The following AUTS2 variants were observed in gnomAD, a reference collection of about 807,000 sequenced individuals.
AUTS2 encodes activator of transcription and developmental regulator AUTS2.
In AUTS2, 17 loss-of-function variants were observed where a neutral mutation model predicts 112.4. The observed-to-expected ratio is 0.15, with a 90% CI of 0.10 to 0.23. The LOEUF (loss-of-function observed/expected upper bound fraction) is 0.23. Among genes scored for constraint, AUTS2 ranks in the 10% least tolerant of loss-of-function variants. The probability of loss-of-function intolerance (pLI) is 1.00; values close to 1 mark genes in which losing one functional copy is unlikely to be tolerated. For missense variants in AUTS2, 1,510 were observed against 1,701.6 expected (o/e 0.89, Z 1.98); for synonymous variants, 751 against 702.7 (o/e 1.07, Z -1.09).
At chr7:70,373,261 G>A (rs1434153160) in intron 4 of AUTS2, among the ~76,000 whole-genome samples, 1 of 151,954 alleles carries the variant, frequency 6.6e-6, no homozygotes, top group East Asian at 1.9e-4. Context: ...GCTGGTGTAG[G>A]CAGCAGCATT....
rs144007525 is a variant in AUTS2 at position 70,669,128 on chromosome 7, T to C, written c.691-29441T>C. 3.2e-3 allele frequency among the ~76,000 whole-genome samples: 485 copies of C among 152,330 alleles called. 8 individuals carry two copies. Among genetic ancestry groups the C allele is most frequent in the East Asian group, 0.014 (74 of 5,178 alleles). On this transcript the variant is annotated intron_variant, in intron 5 of 18. Transcript: ENST00000342771. ...AATGCCGCTGTCTCACTAAGAGCCA[T>C]GGGCTAAAACACACCCGAACAGCGG...
At chr7:70,276,148 A>G (rs1179729288) in intron 4 of AUTS2, among the ~76,000 whole-genome samples, 1 of 152,132 alleles carries the variant, frequency 6.6e-6, no homozygotes, top group African/African-American at 2.4e-5. Flanking sequence ...GACATTGAGT[A>G]CGTGCTTTGT....
chr7:70,658,603 G>A (rs1007883697), intron 5 of AUTS2, among the ~76,000 whole-genome samples: 4 of 152,260 alleles, frequency 2.6e-5, no homozygotes, highest in Non-Finnish European at 5.9e-5. Context: ...TTCTTTCAGC[G>A]TTGTCCTATA....
Position 69,679,262 on chromosome 7 carries a change from T to C in AUTS2, c.309+79300T>C, listed in dbSNP as rs143847784. On this transcript the variant is annotated intron_variant, in intron 1 of 18. Coordinates refer to ENST00000342771, the MANE Select transcript of AUTS2 (RefSeq NM_015570.4). ...TTGACCAGTGTGTCAGTGTCTTTCA[T>C]GTACATTAATGGGCGATAGTATTGG... is the stretch of plus-strand genomic sequence containing the variant. 1.5e-3 allele frequency among the ~76,000 whole-genome samples: 221 copies of C among 152,336 alleles called. 1 individual carries two copies. Among genetic ancestry groups the C allele is most frequent in the African/African-American group, 4.4e-3 (185 of 41,580 alleles).
chr7:69,603,474 C>G (rs1377835218), intron 1 of AUTS2, among the ~76,000 whole-genome samples: 1 of 152,104 alleles, frequency 6.6e-6, no homozygotes, highest in African/African-American at 2.4e-5. Context: ...TTGTTGGATT[C>G]TTTTTTGAGA....
In AUTS2 at chr7:70,631,859, T is replaced by C. The variant is rs2129538471; in HGVS notation, c.691-66710T>C. ...GCAGGGCGCACTCTGCCGCTTTGGC[T>C]TAGTTCTCCCATGTCCCTTGATTCA... On this transcript the variant is annotated intron_variant, in intron 5 of 18. Coordinates refer to ENST00000342771, the MANE Select transcript of AUTS2 (RefSeq NM_015570.4). This position sits in a 1 kb window ranked among gnomAD's most constrained non-coding sequence, Gnocchi z 4.5. Among the ~76,000 whole-genome samples the C allele has an allele frequency of 6.6e-6, 1 of 152,112 alleles. No individual in the cohort carries two copies. The highest frequency in any genetic ancestry group is 6.5e-5 in the Admixed American group (1 of 15,286).
chr7:69,670,416 T>G (rs779060760), intron 1 of AUTS2, among the ~76,000 whole-genome samples: 11 of 151,964 alleles, frequency 7.2e-5, no homozygotes, highest in Non-Finnish European at 1.2e-4. Context: ...AACTTTGCAG[T>G]ATAAATAGAC....
At chr7:70,098,468 T>C (rs1804313285) in intron 2 of AUTS2, among the ~76,000 whole-genome samples, 1 of 152,082 alleles carries the variant, frequency 6.6e-6, no homozygotes, top group South Asian at 2.1e-4. Context: ...TGCAGAACAA[T>C]AAAAGCTATT....
intron 1 of AUTS2, among the ~76,000 whole-genome samples, chr7:69,614,923 G>C (rs1362026891): frequency 6.6e-6 from 1 of 152,176 alleles, no homozygotes; most frequent in African/African-American, 2.4e-5. Flanking sequence ...TACCATACTA[G>C]AATTCTATTT....
At chr7:70,539,238 T>C (rs75553990) in intron 5 of AUTS2, among the ~76,000 whole-genome samples, 2,834 of 152,324 alleles carry the variant, frequency 0.019, 46 homozygotes, top group Admixed American at 0.031. Flanking sequence ...TCATAGTTAC[T>C]ATGTTGTTGT....
intron 5 of AUTS2, among the ~76,000 whole-genome samples, chr7:70,657,143 G>T (rs998153095): frequency 2.0e-5 from 3 of 152,208 alleles, no homozygotes; most frequent in African/African-American, 7.2e-5. Context: ...GTAGGACAAA[G>T]CCCAAGGATG....
chr7:70,785,673 A>AAGTT (rs1244581815), intron 16 of AUTS2, among the ~76,000 whole-genome samples: 1 of 152,234 alleles, frequency 6.6e-6, no homozygotes, highest in African/African-American at 2.4e-5. Flanking sequence ...GCGGGAAGGC[A>AAGTT]AGTTAGTACA....
At chr7:70,087,228 AT>A (rs34133060) in intron 2 of AUTS2, among the ~76,000 whole-genome samples, 38,306 of 151,416 alleles carry the variant, frequency 0.25, 4,843 homozygotes, top group Middle Eastern at 0.33. Context: ...TGAAATACTC[AT>A]TTTTTTATTT....
chr7:70,222,154 A>G (rs1300643443), intron 4 of AUTS2, among the ~76,000 whole-genome samples: 2 of 152,240 alleles, frequency 1.3e-5, no homozygotes, highest in African/African-American at 2.4e-5. Context: ...AGCATTTTAC[A>G]TATTTATGTT....
chr7:70,779,977 T>C (rs1790959885), intron 14 of AUTS2, among the ~76,000 whole-genome samples: 1 of 151,386 alleles, frequency 6.6e-6, no homozygotes, highest in Non-Finnish European at 1.5e-5. Context: ...ATTGTGCCAC[T>C]GCATTTCAGT....
At chr7:69,855,885 C>T (rs1792699665) in intron 1 of AUTS2, among the ~76,000 whole-genome samples, 1 of 152,192 alleles carries the variant, frequency 6.6e-6, no homozygotes, top group African/African-American at 2.4e-5. Flanking sequence ...ACTTCTGCTT[C>T]AGGGCCTCAG....
At chr7:69,851,292 C>T (rs1016097740) in intron 1 of AUTS2, among the ~76,000 whole-genome samples, 2 of 152,178 alleles carry the variant, frequency 1.3e-5, no homozygotes, top group African/African-American at 4.8e-5. Flanking sequence ...ATTCCTCTTA[C>T]TGTATTCTTT....
At chr7:70,561,054 T>A (rs1308636499) in intron 5 of AUTS2, among the ~76,000 whole-genome samples, 2 of 152,200 alleles carry the variant, frequency 1.3e-5, no homozygotes, top group African/African-American at 2.4e-5. Context: ...AGATGAATTG[T>A]CTCTCACTTC....
intron 4 of AUTS2, among the ~76,000 whole-genome samples, chr7:70,163,934 C>T (rs1429490246): frequency 6.6e-6 from 1 of 152,108 alleles, no homozygotes; most frequent in Non-Finnish European, 1.5e-5. Context: ...CTTCCCCCCT[C>T]CAAGAGCCTT....
Sources: allele counts gnomAD v4.1 joint callset (sites outside exome capture counted in the v4.1 genomes callset), GRCh38; gene constraint gnomAD v4.1.1; non-coding constraint Gnocchi (gnomAD v3.1); transcripts MANE v1.5; gene names NCBI Gene and HGNC (gene_info 2026-07-23, HGNC 2026-07-21).